ARHGAP6: variants seen among roughly 807,000 people sequenced by gnomAD.
The protein encoded by ARHGAP6 is Rho GTPase activating protein 6, also known as rho GTPase-activating protein 6.
A neutral mutation model predicts 55.7 loss-of-function variants in ARHGAP6; 16 were observed. The observed-to-expected ratio is 0.29, with a 90% confidence interval of 0.19 to 0.44. The LOEUF is 0.44. Among genes scored for constraint, ARHGAP6 ranks in the 20% least tolerant of loss-of-function variants. ARHGAP6 has a pLI of 1.00. For missense variants in ARHGAP6, 698 were observed against 808.9 expected, an observed-to-expected ratio of 0.86 and a Z score of 1.66; for synonymous variants, 382 against 360.9, an observed-to-expected ratio of 1.06 and a Z score of -0.66.
chrX:11,491,348 T>C (rs1204397811), intron 1 of ARHGAP6, among the ~76,000 whole-genome samples: 3 of 110,848 alleles, frequency 2.7e-5, no homozygotes, highest in Non-Finnish European at 5.7e-5. Context: ...TATCTCCTAA[T>C]GCTATCCCTC....
At chrX:11,444,384 T>C (rs1229993704) in intron 1 of ARHGAP6, among the ~76,000 whole-genome samples, 1 of 112,628 alleles carries the variant, frequency 8.9e-6, no homozygotes, top group Non-Finnish European at 1.9e-5. Context: ...AGCTTGCTAA[T>C]TGTCTACCCA....
At chrX:11,603,098 C>T (rs1019770590) in intron 1 of ARHGAP6, among the ~76,000 whole-genome samples, 10 of 112,039 alleles carry the variant, frequency 8.9e-5, no homozygotes, top group Non-Finnish European at 5.6e-5. Flanking sequence ...TGAACATGAC[C>T]TTCGCTCTGA....
intron 1 of ARHGAP6, among the ~76,000 whole-genome samples, chrX:11,396,383 T>C (rs2049477809): frequency 9.0e-6 from 1 of 110,994 alleles, no homozygotes; most frequent in Non-Finnish European, 1.9e-5. Flanking sequence ...TTGCCCTTCT[T>C]ACACCCAGAA....
At chrX:11,553,243 A>ATT (rs35101240) in intron 1 of ARHGAP6, among the ~76,000 whole-genome samples, 22 of 98,354 alleles carry the variant, frequency 2.2e-4, no homozygotes, top group Middle Eastern at 5.2e-3. Context: ...TGCTTAGAAC[A>ATT]TTTTTTTTTT....
chrX:11,231,999 T>C (rs997694841), intron 2 of ARHGAP6, among the ~76,000 whole-genome samples: 1 of 111,858 alleles, frequency 8.9e-6, no homozygotes, highest in Non-Finnish European at 1.9e-5. Context: ...TAAATATGTA[T>C]GGAGTAAATG....
At chrX:11,324,977 G>A (rs2048481190) in intron 1 of ARHGAP6, among the ~76,000 whole-genome samples, 1 of 111,361 alleles carries the variant, frequency 9.0e-6, no homozygotes, top group Admixed American at 9.5e-5. Context: ...TCCTGCCTCA[G>A]CCTCCCGAGT....
intron 2 of ARHGAP6, among the ~76,000 whole-genome samples, chrX:11,237,038 G>A (rs921851751): frequency 9.8e-5 from 11 of 112,767 alleles, no homozygotes; most frequent in African/African-American, 2.6e-4. Context: ...GGCAAGAAGC[G>A]CTAAGGCTCA....
chrX:11,579,435 T>C (rs964774107), intron 1 of ARHGAP6, among the ~76,000 whole-genome samples: 5 of 112,290 alleles, frequency 4.5e-5, no homozygotes, highest in African/African-American at 1.6e-4. Flanking sequence ...TTAAGTTAAA[T>C]TTTAAAAATT....
At chrX:11,161,272 CTT>C (rs1364499847) in intron 9 of ARHGAP6, among the ~76,000 whole-genome samples, 1 of 112,291 alleles carries the variant, frequency 8.9e-6, no homozygotes, top group Admixed American at 9.5e-5. Context: ...TGGATGAACA[CTT>C]ATTTCTCTAT....
At chrX:11,313,906 T>G (rs1365414534) in intron 1 of ARHGAP6, among the ~76,000 whole-genome samples, 2 of 112,152 alleles carry the variant, frequency 1.8e-5, no homozygotes, top group African/African-American at 6.5e-5. Context: ...GGGTTACTTT[T>G]TGTTAAAAGT....
In ARHGAP6 at chrX:11,478,892, C is replaced by T. The variant is rs183992330; in HGVS notation, c.588+185349G>A. Reference sequence around the variant, plus strand: ...TCATGAGGGCACAAAGAAACAAAACCAGGAGACTGCTGAGCAGTGTAAGCC... The same window carrying T: ...TCATGAGGGCACAAAGAAACAAAACTAGGAGACTGCTGAGCAGTGTAAGCC... On this transcript the variant is annotated intron_variant, in intron 1 of 12. Transcript: ENST00000337414. Among the ~76,000 whole-genome samples the T allele has an allele frequency of 5.4e-5, 6 of 111,785 alleles. 1 individual carries two copies. The East Asian group carries it at 1.7e-3, about 31-fold the overall frequency.
intron 1 of ARHGAP6, chrX:11,294,640 T>C: frequency 1.5e-6 from 1 of 670,208 alleles, no homozygotes; most frequent in Non-Finnish European, 2.4e-6. Context: ...CACATATGAC[T>C]GAAGTAAATT....
intron 1 of ARHGAP6, among the ~76,000 whole-genome samples, chrX:11,362,295 C>T (rs1177033187): frequency 9.0e-6 from 1 of 111,425 alleles, no homozygotes; most frequent in Admixed American, 9.5e-5. Context: ...GAAAATGTGG[C>T]ACATATACAC....
At chrX:11,437,459 G>A (rs1279993862) in intron 1 of ARHGAP6, among the ~76,000 whole-genome samples, 1 of 112,043 alleles carries the variant, frequency 8.9e-6, no homozygotes, top group Non-Finnish European at 1.9e-5. Flanking sequence ...TTTAGGTAGA[G>A]TTCCTCAGAA....
intron 9 of ARHGAP6, among the ~76,000 whole-genome samples, chrX:11,166,888 C>A: frequency 9.0e-6 from 1 of 111,510 alleles, no homozygotes. Flanking sequence ...TTTCATAGAC[C>A]AAGACTTGAG....
intron 1 of ARHGAP6, among the ~76,000 whole-genome samples, chrX:11,432,624 C>T (rs1227873205): frequency 8.9e-6 from 1 of 112,270 alleles, no homozygotes. Flanking sequence ...TTAGAGTTGT[C>T]TCTTTTTTAA....
chrX:11,519,397 ATTTT>A (rs1382535723), intron 1 of ARHGAP6, among the ~76,000 whole-genome samples: 1 of 108,963 alleles, frequency 9.2e-6, no homozygotes, highest in Non-Finnish European at 1.9e-5. Flanking sequence ...GATGGTGAGC[ATTTT>A]TTCATGTGTT....
intron 1 of ARHGAP6, among the ~76,000 whole-genome samples, chrX:11,340,591 T>C (rs57555169): frequency 0.021 from 2,205 of 106,088 alleles, 50 homozygotes; most frequent in Middle Eastern, 0.04. Context: ...TAGCCGGGCG[T>C]AGTGGCGGGC....
At position 11,517,635 on chromosome X, in the gene ARHGAP6, T is replaced by C. The variant is rs181763675; in HGVS notation, c.588+146606A>G. Among the ~76,000 whole-genome samples the C allele has an allele frequency of 2.5e-3, 280 of 111,599 alleles. 2 individuals are homozygous for C. The highest frequency in any genetic ancestry group is 3.4e-3 in the Non-Finnish European group (182 of 53,142). ...AAGCAGTATGATATTGGCTGTAGGT[T>C]TGTGATAAATGGATCATGTCCTTTG... is the stretch of plus-strand genomic sequence containing the variant. On this transcript the variant is annotated intron_variant, in intron 1 of 12. Coordinates refer to ENST00000337414, the MANE Select transcript of ARHGAP6 (RefSeq NM_013427.3).
Sources: gnomAD v4.1 joint callset for allele counts (sites outside exome capture counted in the v4.1 genomes callset) on GRCh38, gnomAD v4.1.1 for gene constraint, MANE v1.5 for transcripts, NCBI Gene and HGNC (gene_info 2026-07-23, HGNC 2026-07-21) for gene names.